Variants in YBEY observed in about 807,000 individuals in gnomAD.
YBEY encodes the protein endoribonuclease YbeY.
A neutral mutation model predicts 13.5 loss-of-function variants in YBEY; 15 were observed. The observed-to-expected ratio is 1.11, with a 90% CI of 0.75 to 1.72. The LOEUF (loss-of-function observed/expected upper bound fraction) is 1.72. Among genes scored for constraint, YBEY ranks in the 40% most tolerant of loss-of-function variants. The probability of loss-of-function intolerance (pLI) is 0.00; values close to 1 mark genes in which losing one functional copy is unlikely to be tolerated. For synonymous variants in YBEY, 101 were observed against 83.1 expected (o/e 1.21, Z -1.17); for missense variants, 244 against 208.4 (o/e 1.17, Z -1.05).
At chr21:46,291,996 T>A in intron 3 of YBEY, 1 of 356,266 alleles carries the variant, frequency 2.8e-6, no homozygotes, top group Non-Finnish European at 3.9e-6. Flanking sequence ...CTACAGTTTC[T>A]ACAGGCAATT....
chr21:46,287,316 C>A (rs1388623905), intron 2 of YBEY, among the ~76,000 whole-genome samples, 193 bp downstream of exon 2: 1 of 152,112 alleles, frequency 6.6e-6, no homozygotes, highest in East Asian at 1.9e-4. Context: ...GCCTCAGCCT[C>A]CCCAGTAGGT....
chr21:46,296,192 C>T lies in YBEY; in HGVS notation c.370C>T (p.Leu124=). ...VTATHGLCHL[L]GFTHGTEAEW... ...GGCCACCCACGGACTCTGTCACTTG[C>T]TGGGATTCACACACGGCACGGAGGC... is the stretch of plus-strand genomic sequence containing the variant. Residue 124 remains leucine, a synonymous_variant, in exon 4 of 5, where the codon CTG becomes TTG. Coordinates refer to ENST00000397701, the MANE Select transcript of YBEY (RefSeq NM_001314025.2). The T allele has an allele frequency of 3.7e-6, 6 of 1,613,820 alleles. No homozygotes were observed. The highest frequency in any genetic ancestry group is 5.1e-6 in the Non-Finnish European group (6 of 1,180,002).
chr21:46,305,244 C>T, the YBEY span, among the ~76,000 whole-genome samples: 441 of 147,866 alleles, frequency 3.0e-3, 2 homozygotes, highest in Admixed American at 5.2e-3. Flanking sequence ...GCAGTGACTA[C>T]AGTTAACGCT....
chr21:46,302,002 G>T, downstream of YBEY: 1 of 1,531,074 alleles, frequency 6.5e-7, no homozygotes, highest in Non-Finnish European at 8.8e-7. Flanking sequence ...CTCACACTCA[G>T]GGTGGGCCAG....
chr21:46,296,283 C>G (rs1185996640), intron 4 of YBEY, 53 bp downstream of exon 4: 1 of 1,600,576 alleles, frequency 6.2e-7, no homozygotes, highest in Non-Finnish European at 8.5e-7. Context: ...GAAGGAGGCT[C>G]CCCCAGGCCC....
At chr21:46,296,014 A>G in intron 3 of YBEY, 148 bp from the exon 4 acceptor site, 2 of 693,890 alleles carry the variant, frequency 2.9e-6, no homozygotes, top group South Asian at 3.5e-5. Context: ...ACTGAAGCTG[A>G]GTGCCTGTAA....
chr21:46,311,634 C>T, the YBEY span: 1 of 878,834 alleles, frequency 1.1e-6, no homozygotes, highest in Non-Finnish European at 1.7e-6. Context: ...GTATCTACCA[C>T]CCATCCATCC....
chr21:46,306,702 C>T, the YBEY span, among the ~76,000 whole-genome samples: 2 of 152,194 alleles, frequency 1.3e-5, no homozygotes, highest in African/African-American at 4.8e-5. Context: ...ATCCTTCCAC[C>T]TCAGCCTCCC....
intron 3 of YBEY, among the ~76,000 whole-genome samples, chr21:46,294,857 C>G (rs1445640413): frequency 6.6e-6 from 1 of 152,216 alleles, no homozygotes; most frequent in African/African-American, 2.4e-5. Flanking sequence ...TGCCCTGAAT[C>G]GCCCTTGTGG....
chr21:46,297,264 C>T (rs1035757451), intron 4 of YBEY, among the ~76,000 whole-genome samples: 1 of 150,166 alleles, frequency 6.7e-6, no homozygotes, highest in African/African-American at 2.5e-5. Context: ...CCCTCCTCCC[C>T]CTTCCCTTCC....
intron 4 of YBEY, 55 bp from the exon 5 acceptor site, chr21:46,297,484 G>A (rs1330609015): frequency 3.1e-5 from 41 of 1,322,304 alleles, no homozygotes; most frequent in Non-Finnish European, 3.9e-5. Flanking sequence ...CGACCCCAGA[G>A]AGTGGGGCGC....
chr21:46,292,336 TCTC>T (rs1369121980), intron 3 of YBEY: 1 of 152,224 alleles, frequency 6.6e-6, no homozygotes, highest in Non-Finnish European at 1.5e-5. Flanking sequence ...GCGGGCTGGT[TCTC>T]CTCAGGACAC....
chr21:46,295,635 T>C (rs2081926534), intron 3 of YBEY, among the ~76,000 whole-genome samples: 1 of 152,090 alleles, frequency 6.6e-6, no homozygotes, highest in Non-Finnish European at 1.5e-5. Flanking sequence ...CGCCTCCGCC[T>C]TCATACCTCT....
chr21:46,302,517 A>G (rs770649978), downstream of YBEY: 4 of 1,612,452 alleles, frequency 2.5e-6, no homozygotes, highest in Non-Finnish European at 3.4e-6. Flanking sequence ...TTGAGCATCC[A>G]GTTCTGCAGG....
intron 3 of YBEY, among the ~76,000 whole-genome samples, chr21:46,294,716 A>G (rs1471325065): frequency 6.6e-6 from 1 of 151,754 alleles, no homozygotes; most frequent in Non-Finnish European, 1.5e-5. Context: ...GACCTCTCTC[A>G]CTGTTATCAT....
intron 1 of YBEY, 101 bp from the exon 2 acceptor site, chr21:46,286,769 A>G: frequency 1.4e-6 from 1 of 697,680 alleles, no homozygotes; most frequent in Non-Finnish European, 2.4e-6. Context: ...ATTTTCAATC[A>G]GTTCCACCAA....
downstream of YBEY, chr21:46,297,896 C>A: frequency 2.7e-6 from 2 of 749,158 alleles, no homozygotes; most frequent in South Asian, 6.9e-5. Flanking sequence ...GGGGTCCCTG[C>A]CCGGAGCCTG....
the YBEY span, among the ~76,000 whole-genome samples, chr21:46,303,114 A>T: frequency 4.3e-4 from 66 of 152,100 alleles, no homozygotes; most frequent in South Asian, 4.4e-3. Flanking sequence ...CGGTGAGCCA[A>T]GATCGTGCCA....
intron 3 of YBEY, chr21:46,291,724 A>G (rs1352093197): frequency 1.9e-5 from 24 of 1,234,036 alleles, no homozygotes; most frequent in Non-Finnish European, 2.3e-5. Flanking sequence ...TCTGGAGTAG[A>G]GCAGACTATG....
Sources: gnomAD v4.1 joint callset for allele counts (sites outside exome capture counted in the v4.1 genomes callset) on GRCh38, gnomAD v4.1.1 for gene constraint, MANE v1.5 for transcripts, NCBI Gene and HGNC (gene_info 2026-07-23, HGNC 2026-07-21) for gene names.